Variants in NECTIN2 observed in about 807,000 individuals in gnomAD.
NECTIN2 encodes the protein nectin-2.
In NECTIN2, 23 loss-of-function variants were observed where a neutral mutation model predicts 56.9. The observed-to-expected ratio is 0.40, with a 90% CI of 0.29 to 0.57. The LOEUF is 0.57. Among genes scored for constraint, NECTIN2 ranks in the 20% least tolerant of loss-of-function variants. NECTIN2 has a pLI of 0.38. For synonymous variants in NECTIN2, 302 were observed against 313.8 expected (o/e 0.96, Z 0.40); for missense variants, 587 against 718.3 (o/e 0.82, Z 2.09).
At chr19:44,853,186 G>A (rs114794709) in intron 1 of NECTIN2, among the ~76,000 whole-genome samples, 2,934 of 152,000 alleles carry the variant, frequency 0.019, 71 homozygotes, top group African/African-American at 0.057. Context: ...TTCAGAATGG[G>A]GAACTTACAG....
chr19:44,871,822 A>G, intron 2 of NECTIN2, 31 bp from the exon 3 acceptor site: 1 of 1,599,858 alleles, frequency 6.3e-7, no homozygotes, highest in Non-Finnish European at 8.5e-7. Flanking sequence ...GCCGGTGAGG[A>G]GTGACGCACC....
intron 1 of NECTIN2, among the ~76,000 whole-genome samples, chr19:44,855,117 CAAAA>C (rs56220442): frequency 8.3e-6 from 1 of 120,322 alleles, no homozygotes. Context: ...GACTCCGTCT[CAAAA>C]AAAAAAAAAA....
intron 6 of NECTIN2, among the ~76,000 whole-genome samples, chr19:44,885,049 T>C (rs1200059234): frequency 6.6e-6 from 1 of 151,948 alleles, no homozygotes. Flanking sequence ...CAGGCTGGAG[T>C]GCAATGGCGC....
At position 44,846,335 on chromosome 19, in the gene NECTIN2, A is replaced by G. The variant is rs1231109623; in HGVS notation, c.-191A>G. On this transcript the variant is annotated 5_prime_UTR_variant, in exon 1 of 9. Transcript: ENST00000252483. ...GTTCGAACCGCCGGAGCTGAGCGAG[A>G]GGCCGGGGGTGCCGAGCCGGGCGGG... 1 of 599,332 alleles carries G rather than the reference A, an allele frequency of 1.7e-6. No homozygotes were observed. 37.1% of individuals were successfully genotyped at this position (599,332 alleles called of 1,614,324 possible). A position where few individuals can be genotyped will look rare whatever the true frequency, so the allele number is the denominator to read the frequency against.
At position 44,862,691 on chromosome 19, in the gene NECTIN2, G is replaced by T. The variant is rs553950859; in HGVS notation, c.89-2580G>T. On this transcript the variant is annotated intron_variant, in intron 1 of 8. Transcript: ENST00000252483. Reference sequence around the variant, plus strand: ...GGACAGTGGAGACTACAAAAGGTGGGAGGGAGGGAAACAGGTGAGGGTTGA... The same window carrying T: ...GGACAGTGGAGACTACAAAAGGTGGTAGGGAGGGAAACAGGTGAGGGTTGA... 3.4e-4 allele frequency among the ~76,000 whole-genome samples: 52 copies of T among 152,252 alleles called. 1 individual carries two copies. The highest frequency in any genetic ancestry group is 6.8e-3 in the Middle Eastern group (2 of 294).
chr19:44,859,896 C>T (rs567118813), intron 1 of NECTIN2, among the ~76,000 whole-genome samples: 1 of 151,322 alleles, frequency 6.6e-6, no homozygotes, highest in South Asian at 2.1e-4. Context: ...CACATAAAAA[C>T]TTGAACTTGC....
At chr19:44,868,959 T>G (rs1969138409) in intron 2 of NECTIN2, among the ~76,000 whole-genome samples, 1 of 151,138 alleles carries the variant, frequency 6.6e-6, no homozygotes, top group South Asian at 2.1e-4. Flanking sequence ...CCACCTTCCC[T>G]AGGCAACTTC....
intron 1 of NECTIN2, among the ~76,000 whole-genome samples, chr19:44,854,821 T>A (rs1023486777): frequency 1.5e-4 from 22 of 142,734 alleles, no homozygotes; most frequent in Admixed American, 8.5e-4. Flanking sequence ...TCAAAAAAAA[T>A]TTTTTTAAAA....
chr19:44,874,087 TG>T lies in NECTIN2; in HGVS notation c.893+56del. 1 of 1,426,886 alleles carries T rather than the reference TG, an allele frequency of 7.0e-7. No homozygotes were observed. The highest frequency in any genetic ancestry group is 9.8e-7 in the Non-Finnish European group (1 of 1,024,658). 88.4% of individuals were successfully genotyped at this position (1,426,886 alleles called of 1,614,324 possible). On this transcript the variant is annotated intron_variant, in intron 4 of 8. Transcript: ENST00000252483. The surrounding 1 kb of genome is among the most constrained non-coding windows in gnomAD (Gnocchi z 6.3). ...TCTGAGGGAGGCGGGGCTGGGGGCC[TG>T]GACTCCTGGATCTAAGGGAGGAGGG...
At chr19:44,873,636 A>AACACAC (rs34606745) in intron 3 of NECTIN2, among the ~76,000 whole-genome samples, 6 of 149,870 alleles carry the variant, frequency 4.0e-5, no homozygotes, top group South Asian at 2.1e-4. Context: ...CTGTCTCAAA[A>AACACAC]ACACACACAC....
At chr19:44,871,022 G>A (rs557517925) in intron 2 of NECTIN2, among the ~76,000 whole-genome samples, 9 of 152,202 alleles carry the variant, frequency 5.9e-5, no homozygotes, top group African/African-American at 1.7e-4. Flanking sequence ...GAGCCACTGC[G>A]CCCATCCTAA....
intron 1 of NECTIN2, among the ~76,000 whole-genome samples, chr19:44,849,645 G>T (rs925889084): frequency 6.6e-6 from 1 of 152,172 alleles, no homozygotes; most frequent in Non-Finnish European, 1.5e-5. Flanking sequence ...CAGGGCACTG[G>T]AGACCCAGGA....
intron 1 of NECTIN2, among the ~76,000 whole-genome samples, chr19:44,856,508 G>A (rs1415132648): frequency 1.3e-5 from 2 of 152,106 alleles, no homozygotes; most frequent in East Asian, 3.8e-4. Context: ...TTGCCACAAA[G>A]AGGAAACTAA....
In NECTIN2 at chr19:44,867,186, A is replaced by AT. The variant is rs1465447434; in HGVS notation, c.478+1533dup. Among the ~76,000 whole-genome samples the AT allele has an allele frequency of 9.2e-5, 14 of 151,682 alleles. No individual in the cohort carries two copies. The East Asian group carries it at 2.3e-3, about 25-fold the overall frequency. On this transcript the variant is annotated intron_variant, in intron 2 of 8. Coordinates refer to ENST00000252483, the MANE Select transcript of NECTIN2 (RefSeq NM_001042724.2). ...GGCTCCCACCACCACACCTAGCTAAATTTTTTTGTATTTTTAGTAGAGACG... is the reference window on the plus strand; with the variant it reads ...GGCTCCCACCACCACACCTAGCTAAATTTTTTTTGTATTTTTAGTAGAGACG...
intron 5 of NECTIN2, among the ~76,000 whole-genome samples, chr19:44,880,828 A>C (rs1392092058): frequency 6.7e-6 from 1 of 149,674 alleles, no homozygotes; most frequent in African/African-American, 2.5e-5. Context: ...GCTGGAGTGC[A>C]ATGGCGCGAT....
In NECTIN2 at chr19:44,846,507, GTCCCCT is replaced by G. The variant is rs1568584267; in HGVS notation, c.-18_-13del. ...GCCCGCGGGCCTCCGGCCGGGCCCA[GTCCCCT>G]CCCGGGCCCTCCATGGCCCGGGCCG... On this transcript the variant is annotated 5_prime_UTR_variant, in exon 1 of 9. Coordinates refer to ENST00000252483, the MANE Select transcript of NECTIN2 (RefSeq NM_001042724.2). 6.7e-7 allele frequency: 1 copy of G among 1,484,982 alleles called. No individual in the cohort carries two copies. Among genetic ancestry groups the G allele is most frequent in the Non-Finnish European group, 8.9e-7 (1 of 1,125,826 alleles). 92.0% of individuals were successfully genotyped at this position (1,484,982 alleles called of 1,614,324 possible).
intron 1 of NECTIN2, among the ~76,000 whole-genome samples, chr19:44,854,853 C>T (rs1175071132): frequency 6.6e-6 from 1 of 151,590 alleles, no homozygotes; most frequent in Non-Finnish European, 1.5e-5. Flanking sequence ...TTGCCGGGCG[C>T]GGTGGCTCAC....
Position 44,873,983 on chromosome 19 carries a change from G to A in NECTIN2, c.843G>A (p.Leu281=), listed in dbSNP as rs1256202810. 1.9e-6 allele frequency: 3 copies of A among 1,613,928 alleles called. No homozygotes were observed. Among genetic ancestry groups the A allele is most frequent in the African/African-American group, 1.3e-5 (1 of 74,884 alleles). The change falls in exon 4 of 9, where the codon CTG becomes CTA. Residue 281 remains leucine (L), a synonymous_variant. Transcript: ENST00000252483. ...NWYLGRTDAT[L]SCDVRSNPEP... is the part of the protein sequence containing the mutation. Reference sequence around the variant, plus strand: ...ACCTCGGCCGTACTGATGCCACCCTGAGCTGTGACGTCCGCAGCAACCCAG... The same window carrying A: ...ACCTCGGCCGTACTGATGCCACCCTAAGCTGTGACGTCCGCAGCAACCCAG...
chr19:44,874,388 G>A lies in NECTIN2; in HGVS notation c.952G>A (p.Ala318Thr), dbSNP rs199763683. 3.5e-5 allele frequency: 56 copies of A among 1,613,966 alleles called. No individual in the cohort carries two copies. The highest frequency in any genetic ancestry group is 1.7e-4 in the Admixed American group (10 of 59,988). ...CCAGGGCTCCCAGCTGGTCATCCAC[G>A]CAGTGGACAGTCTGTTCAATACCAC... ...VAQGSQLVIH[A>T]VDSLFNTTFV... The change falls in exon 5 of 9, where the codon GCA becomes ACA. Residue 318 changes from alanine to threonine, a missense_variant. By Grantham distance (58) the Ala-to-Thr change is moderately conservative. Transcript: ENST00000252483. This position sits in a 1 kb window ranked among gnomAD's most constrained non-coding sequence, Gnocchi z 6.3.
Sources: allele counts gnomAD v4.1 joint callset (sites outside exome capture counted in the v4.1 genomes callset), GRCh38; gene constraint gnomAD v4.1.1; non-coding constraint Gnocchi (gnomAD v3.1); transcripts MANE v1.5; gene names NCBI Gene and HGNC (gene_info 2026-07-23, HGNC 2026-07-21).